The following ECEL1 variants were observed in gnomAD, a reference collection of about 807,000 sequenced individuals.
The protein encoded by ECEL1 is endothelin-converting enzyme-like 1.
Under a neutral mutation model 101.8 loss-of-function variants are expected in ECEL1, and 87 were observed. The ratio of observed to expected loss-of-function variants is 0.85; its 90% CI spans 0.72 to 1.02. The LOEUF (loss-of-function observed/expected upper bound fraction) is 1.02, where lower values mean the gene tolerates loss of function less well. Among genes scored for constraint, ECEL1 ranks in the 50% least tolerant of loss-of-function variants. ECEL1 has a pLI of 0.00. For synonymous variants in ECEL1, 487 were observed against 468.7 expected, an observed-to-expected ratio of 1.04 and a Z score of -0.50; for missense variants, 1,032 against 1,079.2, an observed-to-expected ratio of 0.96 and a Z score of 0.61.
intron 16 of ECEL1, 70 bp from the exon 17 acceptor site, chr2:232,480,545 C>G (rs1690551550): frequency 6.3e-7 from 1 of 1,590,522 alleles, no homozygotes; most frequent in Non-Finnish European, 8.6e-7. Flanking sequence ...TTGCCCCCCA[C>G]CCAGCACACA....
rs369172437 is a variant in ECEL1, at chr2:232,486,413, C to A, written c.241G>T (p.Ala81Ser). ...GLCAILAAML[A>S]LKYLGPVAAG... is the part of the protein sequence containing the mutation. ...GCGACCGGGCCCAGGTACTTGAGGGCCAGCATAGCCGCCAGAATGGCGCAG... is the reference window on the plus strand; with the variant it reads ...GCGACCGGGCCCAGGTACTTGAGGGACAGCATAGCCGCCAGAATGGCGCAG... Residue 81 changes from alanine (A) to serine (S), a missense_variant, in exon 2 of 18, where the codon GCC becomes TCC. By Grantham distance (99) the Ala-to-Ser change is moderately conservative (BLOSUM62 1). Coordinates refer to ENST00000304546, the MANE Select transcript of ECEL1 (RefSeq NM_004826.4). 1 of 1,467,222 alleles carries A rather than the reference C, an allele frequency of 6.8e-7. No homozygotes were observed. The highest frequency in any genetic ancestry group is 8.9e-7 in the Non-Finnish European group (1 of 1,121,782). 90.9% of individuals were successfully genotyped at this position (1,467,222 alleles called of 1,614,324 possible). A position where few individuals can be genotyped will look rare whatever the true frequency, so the allele number is the denominator to read the frequency against.
At position 232,480,084 on chromosome 2, in the gene ECEL1, C is replaced by T. The variant is rs1690536609; in HGVS notation, c.*69G>A. 1.3e-6 allele frequency: 2 copies of T among 1,523,696 alleles called. No homozygotes were observed. Among genetic ancestry groups the T allele is most frequent in the South Asian group, 2.3e-5 (2 of 85,692 alleles). 94.4% of individuals were successfully genotyped at this position (1,523,696 alleles called of 1,614,324 possible). ...GAGCGGGGCTGGCACCGGGTGCATG[C>T]CTGCCCCGGTAGCCAGCAGGAGGTG... On this transcript the variant is annotated 3_prime_UTR_variant, in exon 18 of 18. Coordinates refer to ENST00000304546, the MANE Select transcript of ECEL1 (RefSeq NM_004826.4).
chr2:232,481,510 T>A lies in ECEL1; in HGVS notation c.1985A>T (p.Gln662Leu). The A allele has an allele frequency of 6.2e-7, 1 of 1,609,696 alleles. No individual in the cohort carries two copies. The highest frequency in any genetic ancestry group is 8.5e-7 in the Non-Finnish European group (1 of 1,178,310). The change falls in exon 14 of 18, where the codon CAG (glutamine) becomes CTG (leucine). Residue 662 changes from glutamine to leucine, a missense_variant. Coordinates refer to ENST00000304546, the MANE Select transcript of ECEL1 (RefSeq NM_004826.4). ...RLYDNFTVYN[Q>L]RVNGKHTLGE... ...AGGGGCAGGTGGGGGTCTCACCCGC[T>A]GGTTGTAGACAGTGAAGTTGTCATA... is the stretch of plus-strand genomic sequence containing the variant.
Position 232,486,442 on chromosome 2 carries a change from C to A in ECEL1, c.212G>T (p.Gly71Val). 1 of 1,454,944 alleles carries A rather than the reference C, an allele frequency of 6.9e-7. No individual in the cohort carries two copies. 90.1% of individuals were successfully genotyped at this position (1,454,944 alleles called of 1,614,324 possible). A position where few individuals can be genotyped will look rare whatever the true frequency, so the allele number is the denominator to read the frequency against. Residue 71 changes from glycine to valine, a missense_variant, in exon 2 of 18, where the codon GGC (glycine) becomes GTC (valine). Physicochemically the swap from Gly to Val is moderately radical, Grantham distance 109. Coordinates refer to ENST00000304546, the MANE Select transcript of ECEL1 (RefSeq NM_004826.4). ...CATAGCCGCCAGAATGGCGCAGAGG[C>A]CGGCGGCGAACACCAGCCCCGACAG... ...CLLSGLVFAA[G>V]LCAILAAMLA...
intron 7 of ECEL1, 131 bp downstream of exon 7, chr2:232,483,870 G>T: frequency 1.9e-6 from 2 of 1,045,530 alleles, no homozygotes; most frequent in Non-Finnish European, 2.8e-6. Context: ...AGAATCGGCT[G>T]AGTACTTAGC....
chr2:232,486,174 G>A lies in ECEL1; in HGVS notation c.480C>T (p.Arg160=). 2 of 1,588,388 alleles carry A rather than the reference G, an allele frequency of 1.3e-6. No individual in the cohort carries two copies. Among genetic ancestry groups the A allele is most frequent in the Non-Finnish European group, 1.7e-6 (2 of 1,172,528 alleles). ...CGGGCCGCGCCAGCAGGCGCCGTAG[G>A]CGCTCCTCGTTTTGCTCGCCGATGG... ...IAAIGEQNEE[R]LRRLLARPGG... Residue 160 remains arginine (R), a synonymous_variant, in exon 2 of 18, where the codon CGC becomes CGT. Transcript: ENST00000304546.
chr2:232,484,296 T>C, intron 6 of ECEL1, 73 bp from the exon 7 acceptor site: 1 of 1,569,762 alleles, frequency 6.4e-7, no homozygotes. Context: ...CACCCCTACC[T>C]GTGCCCGCCA....
Position 232,484,791 on chromosome 2 carries a change from C to T in ECEL1, c.1059+10G>A, listed in dbSNP as rs1452231526. 6.2e-7 allele frequency: 1 copy of T among 1,613,752 alleles called. No individual in the cohort carries two copies. Among genetic ancestry groups the T allele is most frequent in the East Asian group, 2.2e-5 (1 of 44,884 alleles). ...ACCCTGCCTGCCCACGAGGACTGGG[C>T]CACACTCACGTGGGGGGTGATCTTC... is the stretch of plus-strand genomic sequence containing the variant. On this transcript the variant is annotated intron_variant, in intron 5 of 17. Transcript: ENST00000304546.
At chr2:232,483,865 C>A in intron 7 of ECEL1, 136 bp downstream of exon 7, 6 of 988,634 alleles carry the variant, frequency 6.1e-6, no homozygotes, top group Non-Finnish European at 9.1e-6. Context: ...GCCTCAGAAT[C>A]GGCTGAGTAC....
At position 232,480,151 on chromosome 2, in the gene ECEL1, G is replaced by A; in HGVS notation, c.*2C>T. 6.2e-7 allele frequency: 1 copy of A among 1,613,712 alleles called. No homozygotes were observed. Among genetic ancestry groups the A allele is most frequent in the East Asian group, 2.2e-5 (1 of 44,854 alleles). ...TGGGGGCGTGCAGGCGGGCAGCCAG[G>A]CTCACCACACGGAACACTTGTGGGC... On this transcript the variant is annotated 3_prime_UTR_variant, in exon 18 of 18. Coordinates refer to ENST00000304546, the MANE Select transcript of ECEL1 (RefSeq NM_004826.4).
At chr2:232,484,338 C>G in intron 6 of ECEL1, 115 bp from the exon 7 acceptor site, 1 of 1,561,150 alleles carries the variant, frequency 6.4e-7, no homozygotes, top group Admixed American at 1.7e-5. Context: ...CCAGACAGCC[C>G]CACAAAGAAG....
intron 16 of ECEL1, 91 bp from the exon 17 acceptor site, chr2:232,480,566 C>A: frequency 6.5e-7 from 1 of 1,545,558 alleles, no homozygotes; most frequent in African/African-American, 1.4e-5. Context: ...AGGCGGTAGG[C>A]CCCCTCAGCA....
At chr2:232,484,945 C>G (rs1690681276) in intron 4 of ECEL1, 36 bp downstream of exon 4, 3 of 1,612,694 alleles carry the variant, frequency 1.9e-6, no homozygotes, top group Non-Finnish European at 2.5e-6. Context: ...TGCCCTCCCT[C>G]AAGCCCAGGG....
intron 1 of ECEL1, 46 bp downstream of exon 1, chr2:232,487,673 T>C (rs1392295061): frequency 6.6e-6 from 1 of 151,306 alleles, no homozygotes; most frequent in Non-Finnish European, 1.5e-5. Flanking sequence ...GCGACGGAAG[T>C]GGCCGCGGTG....
chr2:232,484,920 A>C (rs765670228), intron 4 of ECEL1, 27 bp from the exon 5 acceptor site: 6 of 1,613,016 alleles, frequency 3.7e-6, no homozygotes, highest in Non-Finnish European at 5.1e-6. Flanking sequence ...CAGCTGACCC[A>C]GCCCTGCTCC....
rs1000028912 is a variant in ECEL1, at chr2:232,486,750, C to G, written c.-97G>C. On this transcript the variant is annotated 5_prime_UTR_variant, in exon 2 of 18. Coordinates refer to ENST00000304546, the MANE Select transcript of ECEL1 (RefSeq NM_004826.4). ...GTGGGCCTCCGCATGGCCCTGGGGC[C>G]GCAGCTGCGGGAAGGGCGGAAGCAG... 8.0e-7 allele frequency: 1 copy of G among 1,245,050 alleles called. No homozygotes were observed. Among genetic ancestry groups the G allele is most frequent in the African/African-American group, 1.6e-5 (1 of 63,346 alleles). The allele number at this position is 1,245,050 out of a possible 1,614,324, so 77.1% of individuals were successfully genotyped here.
rs1229077342 is a variant in ECEL1, at chr2:232,480,253, C to T, written c.2229-1G>A. Reference sequence around the variant, plus strand: ...AAACTGGGACACACTGCCCAGCACCCTGGGGTGGGGAGAGACCCACACAGT... The same window carrying T: ...AAACTGGGACACACTGCCCAGCACCTTGGGGTGGGGAGAGACCCACACAGT... On this transcript the variant is annotated splice_acceptor_variant, in intron 17 of 17. Transcript: ENST00000304546. LOFTEE classifies it high-confidence loss of function. 3.1e-6 allele frequency: 5 copies of T among 1,613,580 alleles called. No individual in the cohort carries two copies. Among genetic ancestry groups the T allele is most frequent in the Non-Finnish European group, 4.2e-6 (5 of 1,179,824 alleles).
At position 232,483,155 on chromosome 2, in the gene ECEL1, C is replaced by T. The variant is rs1174232828; in HGVS notation, c.1531G>A (p.Gly511Ser). The T allele has an allele frequency of 1.2e-5, 20 of 1,607,680 alleles. No homozygotes were observed. The highest frequency in any genetic ancestry group is 2.2e-5 in the East Asian group (1 of 44,588). Residue 511 changes from glycine to serine, a missense_variant, in exon 9 of 18, where the codon GGC becomes AGC. Coordinates refer to ENST00000304546, the MANE Select transcript of ECEL1 (RefSeq NM_004826.4). ...AKLQYMMVMV[G>S]YPDFLLKPDA... ...GGTTTCAGCAGGAAGTCCGGGTAGCCGACCATCACCATCATGTACTGGAGC... is the reference window on the plus strand; with the variant it reads ...GGTTTCAGCAGGAAGTCCGGGTAGCTGACCATCACCATCATGTACTGGAGC...
rs1400906735 is a variant in ECEL1 at position 232,482,592 on chromosome 2, G to A, written c.1702C>T (p.Gln568Ter). 6.2e-7 allele frequency: 1 copy of A among 1,612,822 alleles called. No homozygotes were observed. Among genetic ancestry groups the A allele is most frequent in the South Asian group, 1.1e-5 (1 of 91,038 alleles). The change falls in exon 11 of 18, where the codon CAG becomes TAG. Residue 568 changes from glutamine (Q) to a stop codon, truncating the protein, a stop_gained. Transcript: ENST00000304546. LOFTEE classifies it high-confidence loss of function. Reference protein sequence around the residue: ...VDKSTWLLPPQALNAYYLPNK... With the variant: ...VDKSTWLLPP ...GGTAGATAGTAGGCATTGAGCGCCTGTGGGGGGAGCAGCCACCTGTGGAGG... is the reference window on the plus strand; with the variant it reads ...GGTAGATAGTAGGCATTGAGCGCCTATGGGGGGAGCAGCCACCTGTGGAGG...
Sources: allele counts gnomAD v4.1 joint callset, GRCh38; gene constraint gnomAD v4.1.1; transcripts MANE v1.5; gene names NCBI Gene and HGNC (gene_info 2026-07-23, HGNC 2026-07-21).